CACNB2: variants seen among roughly 807,000 people sequenced by gnomAD.
CACNB2 encodes the protein voltage-dependent L-type calcium channel subunit beta-2.
Under a neutral mutation model 73.3 loss-of-function variants are expected in CACNB2, and 42 were observed. The ratio of observed to expected loss-of-function variants is 0.57; its 90% CI spans 0.45 to 0.74. The LOEUF (loss-of-function observed/expected upper bound fraction) is 0.74, where lower values mean the gene tolerates loss of function less well. CACNB2 is among the 30% of genes least tolerant of loss of function. The probability of loss-of-function intolerance (pLI) is 0.00; values close to 1 mark genes in which losing one functional copy is unlikely to be tolerated. For missense variants in CACNB2, 940 were observed against 853.0 expected, an observed-to-expected ratio of 1.10 and a Z score of -1.27; for synonymous variants, 348 against 310.3, an observed-to-expected ratio of 1.12 and a Z score of -1.28.
At chr10:18,356,144 C>T (rs1029698273) in intron 2 of CACNB2, among the ~76,000 whole-genome samples, 3 of 152,204 alleles carry the variant, frequency 2.0e-5, no homozygotes, top group African/African-American at 4.8e-5. Flanking sequence ...TTCCCACCTT[C>T]CCCGCTGTAA....
chr10:18,161,351 A>G (rs1356416493), intron 2 of CACNB2, among the ~76,000 whole-genome samples: 1 of 152,182 alleles, frequency 6.6e-6, no homozygotes, highest in African/African-American at 2.4e-5. Context: ...CTTCTTTTGC[A>G]TAGAGTATGG....
chr10:18,216,858 A>G (rs2489207), intron 2 of CACNB2, among the ~76,000 whole-genome samples: 118,189 of 152,100 alleles, frequency 0.78, 46,500 homozygotes, highest in Non-Finnish European at 0.84. Flanking sequence ...ATTTCTGCCC[A>G]GGTCATAGGA....
chr10:18,348,751 C>A (rs1265655564), intron 2 of CACNB2, among the ~76,000 whole-genome samples: 1 of 152,180 alleles, frequency 6.6e-6, no homozygotes, highest in East Asian at 1.9e-4. Flanking sequence ...GATCCACCCG[C>A]CTTGGCCTCT....
In CACNB2 at chr10:18,289,292, G is replaced by GT. The variant is rs1218890630; in HGVS notation, c.214-112628dup. On this transcript the variant is annotated intron_variant, in intron 2 of 13. Transcript: ENST00000324631. ...CTTCATTTTTTTTTCTTGTTTTTTT[G>GT]TTTTGTTTTTTTTTTTTTTTGAGAT... is the stretch of plus-strand genomic sequence containing the variant. 3.2e-3 allele frequency among the ~76,000 whole-genome samples: 177 copies of GT among 55,586 alleles called. 4 individuals carry two copies. The highest frequency in any genetic ancestry group is 5.4e-3 in the Non-Finnish European group (156 of 28,782). 36.5% of individuals were successfully genotyped at this position (55,586 alleles called of 152,430 possible).
At chr10:18,310,400 G>A (rs887980420) in intron 2 of CACNB2, among the ~76,000 whole-genome samples, 4 of 151,556 alleles carry the variant, frequency 2.6e-5, no homozygotes, top group Non-Finnish European at 4.4e-5. Flanking sequence ...GAGGTTGGGA[G>A]TTCGAGACCA....
At chr10:18,368,293 G>A (rs995996329) in intron 2 of CACNB2, among the ~76,000 whole-genome samples, 20 of 152,012 alleles carry the variant, frequency 1.3e-4, no homozygotes, top group African/African-American at 4.1e-4. Flanking sequence ...CTTGTTTTTC[G>A]CCCTCGGGTC....
chr10:18,195,759 A>G (rs990181822), intron 2 of CACNB2, among the ~76,000 whole-genome samples: 5 of 152,214 alleles, frequency 3.3e-5, no homozygotes, highest in African/African-American at 1.2e-4. Flanking sequence ...TGGTTCTGAC[A>G]CTGGTCCATT....
chr10:18,377,146 C>A (rs1205421175), intron 2 of CACNB2, among the ~76,000 whole-genome samples: 1 of 151,954 alleles, frequency 6.6e-6, no homozygotes, highest in Non-Finnish European at 1.5e-5. Flanking sequence ...AAAAGAAAAC[C>A]AAAAACCACC....
intron 10 of CACNB2, chr10:18,531,940 A>C (rs964673911): frequency 3.9e-5 from 6 of 152,228 alleles, no homozygotes; most frequent in African/African-American, 7.2e-5. Context: ...GCTGAGCTGC[A>C]TTCTTTCATT....
intron 10 of CACNB2, among the ~76,000 whole-genome samples, chr10:18,529,926 C>T (rs915008473): frequency 5.3e-5 from 8 of 152,166 alleles, no homozygotes; most frequent in African/African-American, 1.9e-4. Flanking sequence ...AATCACAGTT[C>T]CACATGGCTA....
chr10:18,223,460 C>CA (rs1172604540), intron 2 of CACNB2, among the ~76,000 whole-genome samples: 1 of 152,062 alleles, frequency 6.6e-6, no homozygotes, highest in Non-Finnish European at 1.5e-5. Flanking sequence ...CCTCTTGTTC[C>CA]ATGAATAATT....
At chr10:18,392,224 G>A (rs1330595024) in intron 2 of CACNB2, among the ~76,000 whole-genome samples, 5 of 152,090 alleles carry the variant, frequency 3.3e-5, no homozygotes, top group Non-Finnish European at 7.4e-5. Context: ...GAGATCAGCG[G>A]AAGAGGACGT....
chr10:18,226,911 C>T (rs1287895015), intron 2 of CACNB2, among the ~76,000 whole-genome samples: 1 of 151,956 alleles, frequency 6.6e-6, no homozygotes, highest in Non-Finnish European at 1.5e-5. Context: ...TACTATCCAG[C>T]CTGGGAATAT....
chr10:18,264,478 C>G (rs1258509548), intron 2 of CACNB2, among the ~76,000 whole-genome samples: 4 of 152,122 alleles, frequency 2.6e-5, no homozygotes, highest in African/African-American at 9.7e-5. Context: ...ATCAAGAAAC[C>G]AAGCATTGTG....
At chr10:18,349,783 A>C (rs947108398) in intron 2 of CACNB2, among the ~76,000 whole-genome samples, 2 of 152,146 alleles carry the variant, frequency 1.3e-5, no homozygotes, top group African/African-American at 4.8e-5. Context: ...AATAATGTGA[A>C]TGTATTCAAT....
chr10:18,410,841 A>G (rs941616645), intron 3 of CACNB2, among the ~76,000 whole-genome samples: 1 of 152,096 alleles, frequency 6.6e-6, no homozygotes, highest in African/African-American at 2.4e-5. Flanking sequence ...TTAGCTAGGC[A>G]TGGTTGTGGG....
chr10:18,304,382 T>C (rs2039647102), intron 2 of CACNB2, among the ~76,000 whole-genome samples: 1 of 152,120 alleles, frequency 6.6e-6, no homozygotes, highest in Non-Finnish European at 1.5e-5. Flanking sequence ...CACCTAAGAG[T>C]TGTGGAGCTT....
chr10:18,156,087 A>G (rs1462265244), intron 2 of CACNB2, among the ~76,000 whole-genome samples: 1 of 152,180 alleles, frequency 6.6e-6, no homozygotes, highest in Non-Finnish European at 1.5e-5. Flanking sequence ...ATTTGAATAT[A>G]TTGTAACATC....
At chr10:18,388,474 C>G (rs2043327263) in intron 2 of CACNB2, among the ~76,000 whole-genome samples, 1 of 152,134 alleles carries the variant, frequency 6.6e-6, no homozygotes. Context: ...CCCTAGGGTA[C>G]TTTCCAGTGC....
Sources: gnomAD v4.1 joint callset for allele counts (sites outside exome capture counted in the v4.1 genomes callset) on GRCh38, gnomAD v4.1.1 for gene constraint, MANE v1.5 for transcripts, NCBI Gene and HGNC (gene_info 2026-07-23, HGNC 2026-07-21) for gene names.